The following GABRB2 variants were observed in gnomAD, a reference collection of about 807,000 sequenced individuals.
GABRB2 encodes gamma-aminobutyric acid receptor subunit beta-2.
In GABRB2, 16 loss-of-function variants were observed where a neutral mutation model predicts 54.7. The ratio of observed to expected loss-of-function variants is 0.29; its 90% CI spans 0.20 to 0.44. GABRB2 has a LOEUF of 0.44. Among genes scored for constraint, GABRB2 ranks in the 20% least tolerant of loss-of-function variants. GABRB2 has a pLI of 1.00. For synonymous variants in GABRB2, 244 were observed against 233.8 expected, an observed-to-expected ratio of 1.04 and a Z score of -0.40; for missense variants, 355 against 644.0, an observed-to-expected ratio of 0.55 and a Z score of 4.86.
At chr5:161,458,351 T>C (rs993220276) in intron 4 of GABRB2, among the ~76,000 whole-genome samples, 1 of 152,196 alleles carries the variant, frequency 6.6e-6, no homozygotes, top group Non-Finnish European at 1.5e-5. Context: ...ATGTGAGCAG[T>C]GCCTGTATCT....
At chr5:161,415,101 C>T (rs538502067) in intron 4 of GABRB2, among the ~76,000 whole-genome samples, 26 of 152,246 alleles carry the variant, frequency 1.7e-4, no homozygotes, top group Middle Eastern at 3.4e-3. Context: ...AATAACTCAA[C>T]GCCACTACTA....
At chr5:161,357,375 T>C (rs567203390) in intron 5 of GABRB2, among the ~76,000 whole-genome samples, 12 of 152,262 alleles carry the variant, frequency 7.9e-5, no homozygotes, top group African/African-American at 2.9e-4. Context: ...AAATCCAGCA[T>C]GGCTGGAACA....
chr5:161,445,201 A>C (rs921382177), intron 4 of GABRB2, among the ~76,000 whole-genome samples: 2 of 152,206 alleles, frequency 1.3e-5, no homozygotes, highest in Non-Finnish European at 2.9e-5. Context: ...GCCATTAAAT[A>C]GTAAACAAAT....
chr5:161,371,821 T>C (rs1755141335), intron 5 of GABRB2, among the ~76,000 whole-genome samples: 1 of 151,990 alleles, frequency 6.6e-6, no homozygotes, highest in African/African-American at 2.4e-5. Flanking sequence ...TCCCAAGCTC[T>C]AGCGATCCTC....
intron 5 of GABRB2, among the ~76,000 whole-genome samples, chr5:161,344,738 T>A (rs978354675): frequency 6.6e-6 from 1 of 152,066 alleles, no homozygotes; most frequent in Non-Finnish European, 1.5e-5. Flanking sequence ...TAAAGACACA[T>A]GTACGCATAT....
chr5:161,320,056 T>G (rs1434176823), intron 9 of GABRB2, among the ~76,000 whole-genome samples: 1 of 151,850 alleles, frequency 6.6e-6, no homozygotes, highest in Non-Finnish European at 1.5e-5. Flanking sequence ...CTTTGTTTCC[T>G]TAATAGCCTT....
Position 161,507,588 on chromosome 5 carries a change from A to C in GABRB2, c.237+37639T>G, listed in dbSNP as rs563870370. Among the ~76,000 whole-genome samples, 48 of 152,208 alleles carry C rather than the reference A, an allele frequency of 3.2e-4. No homozygotes were observed. The South Asian group carries it at 9.1e-3, about 29-fold the overall frequency. ...TATGTGTGTACACACACACATGCAC[A>C]CACATGCATATATGTCTTGTAACAG... On this transcript the variant is annotated intron_variant, in intron 3 of 9. Transcript: ENST00000393959.
In GABRB2 at chr5:161,288,505, C is replaced by T. The variant is rs1455311882; in HGVS notation, c.*5576G>A. 6.6e-6 allele frequency: 1 copy of T among 152,548 alleles called. No homozygotes were observed. Among genetic ancestry groups the T allele is most frequent in the East Asian group, 1.9e-4 (1 of 5,198 alleles). The allele number at this position is 152,548 out of a possible 1,614,324, so 9.4% of individuals were successfully genotyped here. A position where few individuals can be genotyped will look rare whatever the true frequency, so the allele number is the denominator to read the frequency against. ...GCCAACATTATTATATATTTACATG[C>T]TGAAACTGGCTGCAATAAGTTTAAA... On this transcript the variant is annotated 3_prime_UTR_variant, in exon 10 of 10. Transcript: ENST00000393959.
At chr5:161,338,672 C>G (rs549760523) in intron 5 of GABRB2, among the ~76,000 whole-genome samples, 9 of 151,872 alleles carry the variant, frequency 5.9e-5, no homozygotes, top group African/African-American at 2.4e-5. Flanking sequence ...TGCTTATAGT[C>G]CTATCTACTT....
chr5:161,488,079 A>G (rs1483858298), intron 3 of GABRB2, among the ~76,000 whole-genome samples: 8 of 151,876 alleles, frequency 5.3e-5, no homozygotes, highest in Admixed American at 1.3e-4. Flanking sequence ...GGATAAACAA[A>G]TCAATCATTG....
intron 3 of GABRB2, among the ~76,000 whole-genome samples, chr5:161,506,628 A>G (rs1759613972): frequency 1.3e-5 from 2 of 152,134 alleles, no homozygotes; most frequent in Non-Finnish European, 2.9e-5. Flanking sequence ...TAATTGTGAG[A>G]AAGACTTGAT....
At chr5:161,399,316 A>C (rs1403614184) in intron 5 of GABRB2, among the ~76,000 whole-genome samples, 1 of 152,124 alleles carries the variant, frequency 6.6e-6, no homozygotes, top group Non-Finnish European at 1.5e-5. Context: ...GTCCTGAATT[A>C]CCACAAACTA....
At chr5:161,436,531 G>GA (rs35559735) in intron 4 of GABRB2, among the ~76,000 whole-genome samples, 9,209 of 124,244 alleles carry the variant, frequency 0.074, 393 homozygotes, top group Middle Eastern at 0.11. Flanking sequence ...AGACGCTGTC[G>GA]AAAAAAAAAA....
chr5:161,327,871 G>A (rs1266921379), intron 8 of GABRB2, among the ~76,000 whole-genome samples: 2 of 151,934 alleles, frequency 1.3e-5, no homozygotes, highest in Non-Finnish European at 2.9e-5. Flanking sequence ...AATAACTATA[G>A]AATTACAGTT....
chr5:161,329,237 ATTTG>A (rs922742873), intron 8 of GABRB2, among the ~76,000 whole-genome samples: 75 of 152,250 alleles, frequency 4.9e-4, no homozygotes, highest in African/African-American at 1.5e-3. Flanking sequence ...AGATAGCATT[ATTTG>A]TTTGTTTATT....
intron 3 of GABRB2, among the ~76,000 whole-genome samples, chr5:161,480,247 G>T (rs1758722150): frequency 1.3e-5 from 2 of 151,994 alleles, no homozygotes; most frequent in African/African-American, 2.4e-5. Context: ...TCACTGGTCT[G>T]TTCAATGAGT....
chr5:161,421,298 C>A (rs1264304335), intron 4 of GABRB2, among the ~76,000 whole-genome samples: 5 of 152,100 alleles, frequency 3.3e-5, no homozygotes, highest in Non-Finnish European at 2.9e-5. Context: ...CTCCATGGAG[C>A]CTCAGCAACC....
At chr5:161,510,785 C>A (rs775469647) in intron 3 of GABRB2, among the ~76,000 whole-genome samples, 2 of 151,810 alleles carry the variant, frequency 1.3e-5, no homozygotes, top group African/African-American at 2.4e-5. Flanking sequence ...TTATGTCCAG[C>A]ATTTAGGGTT....
chr5:161,296,955 A>G lies in GABRB2; in HGVS notation c.1192-2527T>C, dbSNP rs535965062. Among the ~76,000 whole-genome samples, 8 of 152,364 alleles carry G rather than the reference A, an allele frequency of 5.3e-5. No individual in the cohort carries two copies. In the South Asian group the frequency reaches 1.4e-3, roughly 28 times the overall value. Reference sequence around the variant, plus strand: ...ATGTGAAGAAAAACTTGGAAAAACTAAAGCACCAGGCAAAGTTGATTATTA... The same window carrying G: ...ATGTGAAGAAAAACTTGGAAAAACTGAAGCACCAGGCAAAGTTGATTATTA... On this transcript the variant is annotated intron_variant, in intron 9 of 9. Transcript: ENST00000393959.
Sources: allele counts gnomAD v4.1 joint callset (sites outside exome capture counted in the v4.1 genomes callset), GRCh38; gene constraint gnomAD v4.1.1; transcripts MANE v1.5; gene names NCBI Gene and HGNC (gene_info 2026-07-23, HGNC 2026-07-21).